The following NRIP1 variants were observed in gnomAD, a reference collection of about 807,000 sequenced individuals.
NRIP1 encodes nuclear receptor interacting protein 1, also known as nuclear receptor-interacting protein 1.
NRIP1 carries 28 observed loss-of-function variants against 75.0 expected under a neutral mutation model. That is an observed-to-expected ratio of 0.37 (90% CI 0.28 to 0.51). The LOEUF is 0.51. NRIP1 is among the 20% of genes least tolerant of loss of function. The pLI, the probability that NRIP1 is intolerant of heterozygous loss-of-function variation, is 0.92. For synonymous variants in NRIP1, 526 were observed against 487.6 expected, an observed-to-expected ratio of 1.08 and a Z score of -1.04; for missense variants, 1,435 against 1,343.7, an observed-to-expected ratio of 1.07 and a Z score of -1.06.
chr21:15,014,369 T>C lies in NRIP1; in HGVS notation c.-360A>G, dbSNP rs1291325944. ...CGTCTGTCTCCAAGCTCTGAGCCTCTGCTTTCTGAGAAAGAAAATTGAGAA... is the reference window on the plus strand; with the variant it reads ...CGTCTGTCTCCAAGCTCTGAGCCTCCGCTTTCTGAGAAAGAAAATTGAGAA... On this transcript the variant is annotated 5_prime_UTR_variant, in exon 3 of 4. Coordinates refer to ENST00000318948, the MANE Select transcript of NRIP1 (RefSeq NM_003489.4). 5 of 398,166 alleles carry C rather than the reference T, an allele frequency of 1.3e-5. No homozygotes were observed. The highest frequency in any genetic ancestry group is 2.5e-4 in the South Asian group (2 of 7,864). 24.7% of individuals were successfully genotyped at this position (398,166 alleles called of 1,614,324 possible).
Position 14,965,875 on chromosome 21 carries a change from C to T in NRIP1, c.2318G>A (p.Ser773Asn), listed in dbSNP as rs779636766. The change falls in exon 4 of 4, where the codon AGC becomes AAC. Residue 773 changes from serine (S) to asparagine (N), a missense_variant. Physicochemically the swap from Ser to Asn is conservative, Grantham distance 46 (BLOSUM62 1). Transcript: ENST00000318948. The part of the protein sequence containing the change: ...LQIPNTNVHL[S>N]HDAKSAPFLG... ...GAATGGGGCACTCTTAGCATCATGG[C>T]TCAAGTGCACATTTGTGTTAGGAAT... 12 of 1,614,088 alleles carry T rather than the reference C, an allele frequency of 7.4e-6. No homozygotes were observed. The highest frequency in any genetic ancestry group is 1.0e-5 in the Non-Finnish European group (12 of 1,179,982).
chr21:14,998,902 A>G (rs1169271232), intron 3 of NRIP1, among the ~76,000 whole-genome samples: 1 of 152,192 alleles, frequency 6.6e-6, no homozygotes, highest in Non-Finnish European at 1.5e-5. Flanking sequence ...GAGGGAGTCA[A>G]AAGTTATATG....
rs1284150994 is a variant in NRIP1, at chr21:14,961,606, T to C, written c.*3110A>G. 1 of 152,432 alleles carries C rather than the reference T, an allele frequency of 6.6e-6. No homozygotes were observed. Among genetic ancestry groups the C allele is most frequent in the Non-Finnish European group, 1.5e-5 (1 of 67,902 alleles). The allele number at this position is 152,432 out of a possible 1,614,324, so 9.4% of individuals were successfully genotyped here. ...TTAAGACCCTTCGAATCAAAGCACATTCTTTCACAAAGCTTAAACCACAGA... is the reference window on the plus strand; with the variant it reads ...TTAAGACCCTTCGAATCAAAGCACACTCTTTCACAAAGCTTAAACCACAGA... On this transcript the variant is annotated 3_prime_UTR_variant, in exon 4 of 4. Transcript: ENST00000318948.
chr21:15,049,763 T>C (rs1166842043), intron 1 of NRIP1, among the ~76,000 whole-genome samples: 1 of 151,992 alleles, frequency 6.6e-6, no homozygotes, highest in Non-Finnish European at 1.5e-5. Flanking sequence ...AATGATTTAA[T>C]GAAAAAAAAG....
chr21:14,971,095 A>G (rs1210411189), intron 3 of NRIP1, among the ~76,000 whole-genome samples: 2 of 152,212 alleles, frequency 1.3e-5, no homozygotes, highest in African/African-American at 2.4e-5. Flanking sequence ...CAGGTTGAAA[A>G]TCATTTCTTA....
intron 3 of NRIP1, among the ~76,000 whole-genome samples, chr21:14,985,746 T>C (rs1349817969): frequency 2.0e-5 from 3 of 152,172 alleles, no homozygotes; most frequent in African/African-American, 7.2e-5. Flanking sequence ...TTAGGTTATA[T>C]CAAGAATGAG....
chr21:15,018,607 A>C (rs1198156054), intron 2 of NRIP1, among the ~76,000 whole-genome samples: 13 of 152,192 alleles, frequency 8.5e-5, no homozygotes, highest in Non-Finnish European at 4.4e-5. Context: ...AGTAATGAGC[A>C]AGGAAAAAAA....
intron 2 of NRIP1, among the ~76,000 whole-genome samples, chr21:15,016,841 C>T (rs561246906): frequency 5.3e-5 from 8 of 150,798 alleles, no homozygotes; most frequent in South Asian, 2.1e-4. Flanking sequence ...GCCAAGATCG[C>T]GCCACTGCAC....
intron 2 of NRIP1, among the ~76,000 whole-genome samples, chr21:15,023,393 A>C (rs996367210): frequency 2.0e-5 from 3 of 152,216 alleles, no homozygotes; most frequent in South Asian, 2.1e-4. Context: ...TAAATATTAG[A>C]ATACTTTTTT....
upstream of NRIP1, among the ~76,000 whole-genome samples, chr21:15,065,488 C>T (rs1191805711): frequency 1.3e-5 from 2 of 152,012 alleles, no homozygotes; most frequent in Non-Finnish European, 2.9e-5. Context: ...CCAGACGCTC[C>T]AGGGTCCCCG....
intron 2 of NRIP1, among the ~76,000 whole-genome samples, chr21:15,032,803 TA>T (rs949315615): frequency 6.6e-6 from 1 of 152,156 alleles, no homozygotes; most frequent in African/African-American, 2.4e-5. Context: ...AGACTGGAAT[TA>T]AAAGTCTGAA....
intron 3 of NRIP1, among the ~76,000 whole-genome samples, chr21:14,981,337 C>T (rs2087227285): frequency 6.6e-6 from 1 of 152,218 alleles, no homozygotes; most frequent in African/African-American, 2.4e-5. Flanking sequence ...TCTATCCATA[C>T]AACCAAGTGT....
intron 3 of NRIP1, among the ~76,000 whole-genome samples, chr21:14,976,325 C>A (rs975737401): frequency 3.9e-5 from 6 of 152,092 alleles, no homozygotes; most frequent in Non-Finnish European, 7.4e-5. Context: ...TCCATGGAAT[C>A]TTCACCATAT....
At chr21:14,978,728 G>A (rs1351485392) in intron 3 of NRIP1, among the ~76,000 whole-genome samples, 2 of 151,966 alleles carry the variant, frequency 1.3e-5, no homozygotes, top group Admixed American at 1.3e-4. Flanking sequence ...TATATGAATC[G>A]GATTCAATAA....
intron 2 of NRIP1, among the ~76,000 whole-genome samples, chr21:15,039,857 C>G (rs888796284): frequency 3.9e-5 from 6 of 152,024 alleles, no homozygotes; most frequent in African/African-American, 1.4e-4. Context: ...ATTCAACATG[C>G]CCCCTAAACA....
At chr21:15,009,288 C>T (rs534342237) in intron 3 of NRIP1, among the ~76,000 whole-genome samples, 2 of 151,410 alleles carry the variant, frequency 1.3e-5, no homozygotes, top group East Asian at 4.0e-4. Flanking sequence ...CTGAATTTAC[C>T]ATACAAGGAG....
At chr21:14,980,238 C>T (rs2087194481) in intron 3 of NRIP1, among the ~76,000 whole-genome samples, 1 of 151,884 alleles carries the variant, frequency 6.6e-6, no homozygotes, top group Non-Finnish European at 1.5e-5. Context: ...ACCTGTAATC[C>T]CAGCACTCTG....
chr21:14,987,139 T>C (rs1297215), intron 3 of NRIP1, among the ~76,000 whole-genome samples: 66,035 of 151,966 alleles, frequency 0.43, 14,556 homozygotes, highest in East Asian at 0.61. Flanking sequence ...CTGGGTTCAA[T>C]TTATTCCGGC....
chr21:15,012,932 C>A (rs2088143415), intron 3 of NRIP1, among the ~76,000 whole-genome samples: 1 of 152,158 alleles, frequency 6.6e-6, no homozygotes, highest in African/African-American at 2.4e-5. Context: ...AAATTAAGAA[C>A]AACAACAAAC....
Sources: gnomAD v4.1 joint callset for allele counts (sites outside exome capture counted in the v4.1 genomes callset) on GRCh38, gnomAD v4.1.1 for gene constraint, MANE v1.5 for transcripts, NCBI Gene and HGNC (gene_info 2026-07-23, HGNC 2026-07-21) for gene names.